CPA6: variants seen among roughly 807,000 people sequenced by gnomAD.
The protein encoded by CPA6 is carboxypeptidase A6, also known as carboxypeptidase B.
In CPA6, 58 loss-of-function variants were observed where a neutral mutation model predicts 63.3. That is an observed-to-expected ratio of 0.92 (90% CI 0.74 to 1.14). The LOEUF (loss-of-function observed/expected upper bound fraction) is 1.14. Among genes scored for constraint, CPA6 ranks in the 50% most tolerant of loss-of-function variants. The pLI, the probability that CPA6 is intolerant of heterozygous loss-of-function variation, is 0.00. For missense variants in CPA6, 565 were observed against 526.6 expected (o/e 1.07, Z -0.71); for synonymous variants, 185 against 179.0 (o/e 1.03, Z -0.27).
At chr8:67,510,756 CTGTT>C (rs1391584187) in intron 4 of CPA6, among the ~76,000 whole-genome samples, 4 of 152,152 alleles carry the variant, frequency 2.6e-5, no homozygotes, top group Admixed American at 2.6e-4. Flanking sequence ...TTGGAGGTCA[CTGTT>C]TGCCTGCCAC....
chr8:67,461,464 TC>T (rs1375555454), intron 8 of CPA6, among the ~76,000 whole-genome samples: 1 of 151,464 alleles, frequency 6.6e-6, no homozygotes, highest in Non-Finnish European at 1.5e-5. Flanking sequence ...TCTACTACTT[TC>T]TACACAGACA....
At chr8:67,539,841 A>G (rs1035299899) in intron 2 of CPA6, among the ~76,000 whole-genome samples, 6 of 151,542 alleles carry the variant, frequency 4.0e-5, no homozygotes, top group African/African-American at 1.2e-4. Flanking sequence ...GTGTTTTTCA[A>G]CTCCATCAGG....
At chr8:67,564,644 A>G (rs925005908) in intron 2 of CPA6, among the ~76,000 whole-genome samples, 7 of 152,204 alleles carry the variant, frequency 4.6e-5, no homozygotes, top group African/African-American at 1.7e-4. Flanking sequence ...GTCCACTAGA[A>G]GAGAAAAATG....
intron 2 of CPA6, among the ~76,000 whole-genome samples, chr8:67,600,036 G>A (rs1814452237): frequency 6.6e-6 from 1 of 151,420 alleles, no homozygotes; most frequent in African/African-American, 2.4e-5. Flanking sequence ...ATTAGGAATG[G>A]CACAAGGCAA....
chr8:67,696,773 A>G (rs1816920210), intron 1 of CPA6, among the ~76,000 whole-genome samples: 2 of 152,106 alleles, frequency 1.3e-5, no homozygotes, highest in South Asian at 4.2e-4. Context: ...GTTTCCATTT[A>G]TACCATATCC....
chr8:67,638,899 G>A (rs1464851746), intron 1 of CPA6, among the ~76,000 whole-genome samples: 1 of 151,430 alleles, frequency 6.6e-6, no homozygotes, highest in Non-Finnish European at 1.5e-5. Flanking sequence ...GGGGACCTTA[G>A]CCTGTGATGT....
intron 1 of CPA6, among the ~76,000 whole-genome samples, chr8:67,697,765 G>GT (rs1382145826): frequency 2.6e-5 from 3 of 115,572 alleles, no homozygotes; most frequent in African/African-American, 1.5e-4. Context: ...TGCAGTCGCA[G>GT]GAAAAAAAAA....
intron 8 of CPA6, among the ~76,000 whole-genome samples, chr8:67,436,121 C>G (rs1470748377): frequency 1.3e-5 from 2 of 152,172 alleles, no homozygotes; most frequent in Admixed American, 6.5e-5. Flanking sequence ...ACAACTGTCC[C>G]CTCACCCACC....
At chr8:67,502,380 A>C (rs1333068385) in intron 6 of CPA6, among the ~76,000 whole-genome samples, 1 of 152,172 alleles carries the variant, frequency 6.6e-6, no homozygotes, top group Non-Finnish European at 1.5e-5. Context: ...AAAGATTTGC[A>C]TGGGCCTGGG....
intron 1 of CPA6, among the ~76,000 whole-genome samples, chr8:67,694,219 G>A (rs1175043843): frequency 6.6e-6 from 1 of 151,890 alleles, no homozygotes; most frequent in Non-Finnish European, 1.5e-5. Flanking sequence ...CAGATCCAAT[G>A]GTGCTTGAAG....
At chr8:67,491,484 C>T (rs1217625385) in intron 6 of CPA6, among the ~76,000 whole-genome samples, 1 of 151,752 alleles carries the variant, frequency 6.6e-6, no homozygotes, top group Non-Finnish European at 1.5e-5. Context: ...GAAAATGTTG[C>T]CAATTAATCT....
chr8:67,513,899 A>G (rs1337994137), intron 3 of CPA6, among the ~76,000 whole-genome samples: 1 of 152,060 alleles, frequency 6.6e-6, no homozygotes, highest in Non-Finnish European at 1.5e-5. Context: ...GAGTGATGCC[A>G]TTACTCAGTA....
chr8:67,727,128 A>G (rs931955417), intron 1 of CPA6, among the ~76,000 whole-genome samples: 6 of 151,908 alleles, frequency 3.9e-5, no homozygotes, highest in Non-Finnish European at 7.4e-5. Flanking sequence ...AGAATTAGTA[A>G]ATACAGAAAA....
chr8:67,563,143 C>T (rs758150950), intron 2 of CPA6, among the ~76,000 whole-genome samples: 8 of 151,314 alleles, frequency 5.3e-5, no homozygotes, highest in Non-Finnish European at 1.2e-4. Context: ...ACAACCAGGG[C>T]CAAATAGGAT....
chr8:67,427,085 T>A (rs1046996969), intron 10 of CPA6, among the ~76,000 whole-genome samples: 2 of 152,312 alleles, frequency 1.3e-5, no homozygotes, highest in South Asian at 2.1e-4. Flanking sequence ...AGCTGACTTG[T>A]TTCTTCCTGC....
At chr8:67,501,754 A>G (rs1326343059) in intron 6 of CPA6, among the ~76,000 whole-genome samples, 1 of 152,172 alleles carries the variant, frequency 6.6e-6, no homozygotes, top group Non-Finnish European at 1.5e-5. Context: ...CAGGCTTCAT[A>G]AAAAGAATTG....
chr8:67,509,579 C>A lies in CPA6; in HGVS notation c.472G>T (p.Gly158Cys). The change falls in exon 5 of 11, where the codon GGC becomes TGC. Residue 158 changes from glycine to cysteine, a missense_variant. Physicochemically the swap from Gly to Cys is radical, Grantham distance 159. Coordinates refer to ENST00000297770, the MANE Select transcript of CPA6 (RefSeq NM_020361.5). ...WMHHLNKTHS[G>C]LIHMFSIGRS... ...CCAATAGAGAACATGTGAATGAGGCCTGAGTGAGTTTTATTCAGATGATGC... is the reference window on the plus strand; with the variant it reads ...CCAATAGAGAACATGTGAATGAGGCATGAGTGAGTTTTATTCAGATGATGC... 1 of 1,599,132 alleles carries A rather than the reference C, an allele frequency of 6.3e-7. No homozygotes were observed. The highest frequency in any genetic ancestry group is 8.5e-7 in the Non-Finnish European group (1 of 1,170,360).
At chr8:67,696,386 G>T (rs946443496) in intron 1 of CPA6, among the ~76,000 whole-genome samples, 1 of 152,164 alleles carries the variant, frequency 6.6e-6, no homozygotes, top group Non-Finnish European at 1.5e-5. Flanking sequence ...ATATTAAAAA[G>T]ATTGACAATA....
chr8:67,716,589 A>C lies in CPA6; in HGVS notation c.116+29425T>G, dbSNP rs184892961. On this transcript the variant is annotated intron_variant, in intron 1 of 10. Coordinates refer to ENST00000297770, the MANE Select transcript of CPA6 (RefSeq NM_020361.5). ...GAAGCAATCAGATATGAATTTGTCAAAGATGAACAGAAGAATGGCTTTGAT... is the reference window on the plus strand; with the variant it reads ...GAAGCAATCAGATATGAATTTGTCACAGATGAACAGAAGAATGGCTTTGAT... Among the ~76,000 whole-genome samples the C allele has an allele frequency of 3.4e-4, 51 of 152,222 alleles. 1 individual carries two copies. Among genetic ancestry groups the C allele is most frequent in the Admixed American group, 2.4e-3 (36 of 15,292 alleles).
Sources: gnomAD v4.1 joint callset for allele counts (sites outside exome capture counted in the v4.1 genomes callset) on GRCh38, gnomAD v4.1.1 for gene constraint, MANE v1.5 for transcripts, NCBI Gene and HGNC (gene_info 2026-07-23, HGNC 2026-07-21) for gene names.